Variants in TTLL7 observed in about 807,000 individuals in gnomAD.
TTLL7 encodes the protein tubulin tyrosine ligase like 7, also known as tubulin polyglutamylase TTLL7.
A neutral mutation model predicts 120.2 loss-of-function variants in TTLL7; 53 were observed. That is an observed-to-expected ratio of 0.44 (90% CI 0.35 to 0.55). The LOEUF (loss-of-function observed/expected upper bound fraction) is 0.55, where lower values mean the gene tolerates loss of function less well. Among genes scored for constraint, TTLL7 ranks in the 20% least tolerant of loss-of-function variants. TTLL7 has a pLI of 0.00. For missense variants in TTLL7, 803 were observed against 1,054.7 expected (o/e 0.76, Z 3.31); for synonymous variants, 353 against 351.7 (o/e 1.00, Z -0.04).
intron 19 of TTLL7, among the ~76,000 whole-genome samples, 171 bp downstream of exon 19, chr1:83,890,150 T>A (rs1655337762): frequency 1.3e-5 from 2 of 152,120 alleles, no homozygotes; most frequent in Admixed American, 1.3e-4. Context: ...ATATTCATCA[T>A]CTTATCTAAA....
chr1:83,956,743 T>G (rs1346372770), intron 1 of TTLL7, among the ~76,000 whole-genome samples: 1 of 152,144 alleles, frequency 6.6e-6, no homozygotes, highest in Non-Finnish European at 1.5e-5. Flanking sequence ...ACCCACATTT[T>G]TAAGTGGAAA....
intron 2 of TTLL7, 72 bp from the exon 3 acceptor site, chr1:83,952,048 C>T (rs1428042288): frequency 1.6e-5 from 24 of 1,522,740 alleles, no homozygotes; most frequent in Non-Finnish European, 2.2e-5. Flanking sequence ...AAATACCACC[C>T]CCACCCCACA....
rs1200432178 is a variant in TTLL7, at chr1:83,957,369, C to T, written c.-176-4982G>A. On this transcript the variant is annotated intron_variant, in intron 1 of 20. Coordinates refer to ENST00000260505, the MANE Select transcript of TTLL7 (RefSeq NM_024686.6). ...CCCAAAGATTACTAAAATAATCAAA[C>T]AAAAAGTCAAGAGGATCCAAAAATA... 2.0e-5 allele frequency among the ~76,000 whole-genome samples: 3 copies of T among 151,746 alleles called. No homozygotes were observed. In the South Asian group the frequency reaches 6.2e-4, roughly 32 times the overall value.
At chr1:83,882,756 T>G in intron 20 of TTLL7, 2 of 477,836 alleles carry the variant, frequency 4.2e-6, no homozygotes, top group South Asian at 6.6e-5. Context: ...TTTATCACCT[T>G]TAGGTTCGTG....
At chr1:83,949,736 A>G in intron 4 of TTLL7, 129 bp downstream of exon 4, 1 of 1,003,334 alleles carries the variant, frequency 1.0e-6, no homozygotes, top group Non-Finnish European at 1.5e-6. Context: ...GATAGCAACA[A>G]AACAGGCTAT....
intron 20 of TTLL7, among the ~76,000 whole-genome samples, chr1:83,878,648 G>C (rs1287068311): frequency 6.6e-6 from 1 of 151,936 alleles, no homozygotes; most frequent in African/African-American, 2.4e-5. Context: ...ATCAGAGGCA[G>C]GATTTATCCA....
At chr1:83,883,225 G>A (rs963295076) in intron 19 of TTLL7, 89 bp from the exon 20 acceptor site, 51 of 1,041,826 alleles carry the variant, frequency 4.9e-5, no homozygotes, top group Non-Finnish European at 6.7e-5. Context: ...AAACCAATAA[G>A]GGAAATAGAA....
chr1:83,902,747 T>C (rs1390548728), intron 18 of TTLL7, among the ~76,000 whole-genome samples: 1 of 151,958 alleles, frequency 6.6e-6, no homozygotes, highest in African/African-American at 2.4e-5. Flanking sequence ...TAAATTTTTG[T>C]TCACCATACA....
intron 1 of TTLL7, among the ~76,000 whole-genome samples, chr1:83,987,112 T>C (rs1652536102): frequency 6.6e-6 from 1 of 152,052 alleles, no homozygotes; most frequent in South Asian, 2.1e-4. Flanking sequence ...AAAACATAGG[T>C]ATAATTTTCC....
intron 19 of TTLL7, among the ~76,000 whole-genome samples, chr1:83,883,405 G>C (rs952634507): frequency 2.6e-5 from 4 of 151,880 alleles, no homozygotes; most frequent in African/African-American, 9.7e-5. Context: ...GAGAGAGTGT[G>C]TCTCACTATG....
rs144531372 is a variant in TTLL7 at position 83,921,149 on chromosome 1, G to A, written c.1302C>T (p.Leu434=). Residue 434 remains leucine, a synonymous_variant, in exon 12 of 21, where the codon CTC becomes CTT. Coordinates refer to ENST00000260505, the MANE Select transcript of TTLL7 (RefSeq NM_024686.6). ...ERRKEELKER[L]AQVRKQISRE... ...GTGAGATCTGCTTTCGTACTTGAGC[G>A]AGTCTCTCTTTCTGGAAATGAGAAA... 1.1e-4 allele frequency: 181 copies of A among 1,612,612 alleles called. 1 individual carries two copies. Among genetic ancestry groups the A allele is most frequent in the Admixed American group, 7.0e-4 (42 of 59,784 alleles).
In TTLL7 at chr1:83,947,224, C is replaced by T. The variant is rs780978266; in HGVS notation, c.406G>A (p.Ala136Thr). The T allele has an allele frequency of 3.7e-6, 6 of 1,612,288 alleles. No individual in the cohort carries two copies. The African/African-American group carries it at 8.0e-5, about 22-fold the overall frequency. Residue 136 changes from alanine (A) to threonine (T), a missense_variant, in exon 6 of 21, where the codon GCT becomes ACT. By Grantham distance (58) the Ala-to-Thr change is moderately conservative. Transcript: ENST00000260505. ...TAATTTTGGAATTGAGTATATTCAGCAGGAAAGATCCAAGTTCGAGGAACA... is the reference window on the plus strand; with the variant it reads ...TAATTTTGGAATTGAGTATATTCAGTAGGAAAGATCCAAGTTCGAGGAACA... ...TFVPRTWIFP[A>T]EYTQFQNYVK...
At chr1:83,990,098 G>C (rs569724708) in intron 1 of TTLL7, among the ~76,000 whole-genome samples, 1 of 150,370 alleles carries the variant, frequency 6.7e-6, no homozygotes, top group Admixed American at 6.6e-5. Flanking sequence ...TTTTGGCAGA[G>C]TCTTTAGGGT....
Position 83,890,373 on chromosome 1 carries a change from G to C in TTLL7, c.2317C>G (p.Arg773Gly). The C allele has an allele frequency of 6.2e-7, 1 of 1,613,324 alleles. No individual in the cohort carries two copies. The highest frequency in any genetic ancestry group is 8.5e-7 in the Non-Finnish European group (1 of 1,179,560). ...LYRIFNRVFNRLLWSRGQGLW... is the reference protein window; with the variant it reads ...LYRIFNRVFNGLLWSRGQGLW... ...CCTTGGCCACGACTCCAGAGTAAGC[G>C]ATTAAAAACCCGGTTGAAAATCCGA... The change falls in exon 19 of 21, where the codon CGC becomes GGC. Residue 773 changes from arginine to glycine, a missense_variant. This residue lies in a region of TTLL7 where 388 missense variants were observed against 450.4 expected (regional missense o/e 0.86). Transcript: ENST00000260505.
chr1:83,992,852 T>C (rs1373369970), intron 1 of TTLL7, among the ~76,000 whole-genome samples: 1 of 135,910 alleles, frequency 7.4e-6, no homozygotes, highest in Non-Finnish European at 1.6e-5. Flanking sequence ...AAAAAACAAC[T>C]AGCATGTATT....
Position 83,868,908 on chromosome 1 carries a change from T to C in TTLL7, c.*1054A>G, listed in dbSNP as rs912808283. The C allele has an allele frequency of 3.3e-5, 5 of 151,636 alleles. No individual in the cohort carries two copies. Among genetic ancestry groups the C allele is most frequent in the African/African-American group, 9.7e-5 (4 of 41,404 alleles). The allele number at this position is 151,636 out of a possible 1,614,324, so 9.4% of individuals were successfully genotyped here. A position where few individuals can be genotyped will look rare whatever the true frequency, so the allele number is the denominator to read the frequency against. ...TAGTTTACATTTTATTTTTAACCCATTGGATTGTCTTCCATTTTATTTATT... is the reference window on the plus strand; with the variant it reads ...TAGTTTACATTTTATTTTTAACCCACTGGATTGTCTTCCATTTTATTTATT... On this transcript the variant is annotated 3_prime_UTR_variant, in exon 21 of 21. Transcript: ENST00000260505.
intron 1 of TTLL7, among the ~76,000 whole-genome samples, chr1:83,975,464 C>T (rs1571359251): frequency 6.6e-6 from 1 of 151,966 alleles, no homozygotes; most frequent in East Asian, 1.9e-4. Flanking sequence ...TTGTCAAAGA[C>T]TTAGACAGAT....
At chr1:83,922,273 T>G (rs1658736775) in intron 10 of TTLL7, among the ~76,000 whole-genome samples, 1 of 152,142 alleles carries the variant, frequency 6.6e-6, no homozygotes, top group South Asian at 2.1e-4. Flanking sequence ...TTTCCATGCT[T>G]CTATTGTCAT....
chr1:83,901,921 A>G (rs753851847), intron 18 of TTLL7: 1 of 151,976 alleles, frequency 6.6e-6, no homozygotes, highest in Non-Finnish European at 1.5e-5. Flanking sequence ...ATCTCCCAGA[A>G]AACAATGTTA....
Sources: gnomAD v4.1 joint callset for allele counts (sites outside exome capture counted in the v4.1 genomes callset) on GRCh38, gnomAD v4.1.1 for gene constraint, gnomAD v4.1.1 regional missense constraint, MANE v1.5 for transcripts, NCBI Gene and HGNC (gene_info 2026-07-23, HGNC 2026-07-21) for gene names.